Variants in MECOM observed in about 807,000 individuals in gnomAD.
MECOM encodes MDS1 and EVI1 complex locus, also known as histone-lysine N-methyltransferase MECOM.
MECOM carries 13 observed loss-of-function variants against 116.3 expected under a neutral mutation model. The ratio of observed to expected loss-of-function variants is 0.11; its 90% confidence interval spans 0.07 to 0.18. MECOM has a LOEUF of 0.18. Among genes scored for constraint, MECOM ranks in the 10% least tolerant of loss-of-function variants. The pLI, the probability that MECOM is intolerant of heterozygous loss-of-function variation, is 1.00. For missense variants in MECOM, 1,299 were observed against 1,509.0 expected (o/e 0.86, Z 2.31); for synonymous variants, 528 against 535.2 (o/e 0.99, Z 0.19).
At chr3:169,249,377 A>G (rs958276878) in intron 2 of MECOM, among the ~76,000 whole-genome samples, 9 of 152,218 alleles carry the variant, frequency 5.9e-5, no homozygotes, top group South Asian at 2.1e-4. Context: ...ACACAATTCT[A>G]TGATTTCTGG....
rs540584328 is a variant in MECOM, at chr3:169,206,323, T to G, written c.376-62491A>C. ...ATCACAGTCATTGGCAATTATGACT[T>G]CAGTGACTCTTCTGAGATCTAATGG... On this transcript the variant is annotated intron_variant, in intron 2 of 16. Coordinates refer to ENST00000651503, the MANE Select transcript of MECOM (RefSeq NM_004991.4). 2.0e-5 allele frequency among the ~76,000 whole-genome samples: 3 copies of G among 152,294 alleles called. No homozygotes were observed. In the East Asian group the frequency reaches 5.8e-4, roughly 29 times the overall value.
At chr3:169,387,271 T>A (rs190966812) in intron 1 of MECOM, among the ~76,000 whole-genome samples, 18 of 152,216 alleles carry the variant, frequency 1.2e-4, no homozygotes, top group South Asian at 1.0e-3. Flanking sequence ...GAAAAAAAAA[T>A]GATTTCATTT....
intron 2 of MECOM, among the ~76,000 whole-genome samples, chr3:169,179,616 T>A (rs1227742017): frequency 6.6e-6 from 1 of 152,150 alleles, no homozygotes; most frequent in African/African-American, 2.4e-5. Context: ...CTCAATATCA[T>A]GCCACTAAAA....
At chr3:169,318,524 A>C (rs1259083690) in intron 2 of MECOM, among the ~76,000 whole-genome samples, 1 of 152,192 alleles carries the variant, frequency 6.6e-6, no homozygotes, top group East Asian at 1.9e-4. Context: ...AAGAAGCTCA[A>C]CATCACTGGT....
intron 2 of MECOM, chr3:169,146,709 A>G: frequency 8.0e-7 from 1 of 1,251,432 alleles, no homozygotes; most frequent in Non-Finnish European, 1.0e-6. Flanking sequence ...TTTTAAAGTG[A>G]GGAGTTCTCT....
chr3:169,483,136 C>T (rs1751584045), intron 1 of MECOM, among the ~76,000 whole-genome samples: 1 of 151,848 alleles, frequency 6.6e-6, no homozygotes, highest in African/African-American at 2.4e-5. Context: ...AGAACACAGT[C>T]CTGCAGACCA....
At chr3:169,359,248 A>G (rs1727796513) in intron 2 of MECOM, among the ~76,000 whole-genome samples, 2 of 151,770 alleles carry the variant, frequency 1.3e-5, no homozygotes, top group Non-Finnish European at 2.9e-5. Context: ...CAGTGCTCTG[A>G]GGTGCTTAGT....
Position 169,162,778 on chromosome 3 carries a change from C to T in MECOM, c.376-18946G>A, listed in dbSNP as rs9867710. On this transcript the variant is annotated intron_variant, in intron 2 of 16. Transcript: ENST00000651503. ...TGGATTCCAATATACCAGACAGTTTCATACTCAGTGCTGGGTGAATCTGTC... is the reference window on the plus strand; with the variant it reads ...TGGATTCCAATATACCAGACAGTTTTATACTCAGTGCTGGGTGAATCTGTC... Among the ~76,000 whole-genome samples, 1,246 of 152,240 alleles carry T rather than the reference C, an allele frequency of 8.2e-3. 23 individuals are homozygous for T. Among genetic ancestry groups the T allele is most frequent in the African/African-American group, 0.028 (1,175 of 41,534 alleles).
intron 2 of MECOM, among the ~76,000 whole-genome samples, chr3:169,372,305 A>C (rs921493601): frequency 1.3e-5 from 2 of 152,098 alleles, no homozygotes; most frequent in Non-Finnish European, 2.9e-5. Flanking sequence ...TTATACTTGC[A>C]GAGTTTTGTA....
At chr3:169,242,811 C>G (rs142383639) in intron 2 of MECOM, among the ~76,000 whole-genome samples, 2 of 151,332 alleles carry the variant, frequency 1.3e-5, no homozygotes, top group African/African-American at 4.8e-5. Context: ...GGGAGAGAAA[C>G]AAACCTACAA....
chr3:169,174,718 C>T (rs974818537), intron 2 of MECOM, among the ~76,000 whole-genome samples: 21 of 152,130 alleles, frequency 1.4e-4, no homozygotes, highest in African/African-American at 5.1e-4. Context: ...TAGGAGAAAG[C>T]AACTTGTTAG....
chr3:169,557,888 T>C (rs1007434720), intron 1 of MECOM, among the ~76,000 whole-genome samples: 2 of 152,190 alleles, frequency 1.3e-5, no homozygotes, highest in Admixed American at 6.5e-5. Flanking sequence ...AAATATTAAC[T>C]AGAAAGGCTT....
At chr3:169,391,937 A>C (rs1033025430) in intron 1 of MECOM, among the ~76,000 whole-genome samples, 1 of 152,198 alleles carries the variant, frequency 6.6e-6, no homozygotes. Flanking sequence ...TTTCAAAAAA[A>C]AATGCATTCA....
intron 1 of MECOM, among the ~76,000 whole-genome samples, chr3:169,551,985 T>C (rs369306399): frequency 6.6e-6 from 1 of 152,172 alleles, no homozygotes; most frequent in East Asian, 2.0e-4. Context: ...TGCATTTATC[T>C]GAAATGTCCA....
At chr3:169,104,205 G>A (rs572914895) in intron 10 of MECOM, among the ~76,000 whole-genome samples, 11 of 152,286 alleles carry the variant, frequency 7.2e-5, no homozygotes, top group Admixed American at 5.2e-4. Context: ...CAGAGATATG[G>A]AATGATGCTG....
At chr3:169,109,607 G>A (rs1050581807) in intron 9 of MECOM, among the ~76,000 whole-genome samples, 2 of 151,942 alleles carry the variant, frequency 1.3e-5, no homozygotes, top group African/African-American at 2.4e-5. Context: ...GTAGAGAAGG[G>A]GTTTCACTCT....
chr3:169,321,412 C>T lies in MECOM; in HGVS notation c.375+59775G>A, dbSNP rs146273518. Among the ~76,000 whole-genome samples the T allele has an allele frequency of 2.0e-4, 31 of 152,148 alleles. No homozygotes were observed. In the East Asian group the frequency reaches 3.7e-3, roughly 18 times the overall value. Reference sequence around the variant, plus strand: ...AAAATTAGCTGGGCATGGTGGCACGCGCCTTTACTCACAGCTACTTGGGAG... The same window carrying T: ...AAAATTAGCTGGGCATGGTGGCACGTGCCTTTACTCACAGCTACTTGGGAG... On this transcript the variant is annotated intron_variant, in intron 2 of 16. Coordinates refer to ENST00000651503, the MANE Select transcript of MECOM (RefSeq NM_004991.4).
At chr3:169,257,727 C>T (rs917006848) in intron 2 of MECOM, among the ~76,000 whole-genome samples, 2 of 152,066 alleles carry the variant, frequency 1.3e-5, no homozygotes, top group Admixed American at 6.5e-5. Flanking sequence ...TTTTTTCCAT[C>T]GGGCACATAA....
chr3:169,283,313 G>A (rs1243903906), intron 2 of MECOM, among the ~76,000 whole-genome samples: 1 of 151,880 alleles, frequency 6.6e-6, no homozygotes, highest in African/African-American at 2.4e-5. Flanking sequence ...GACCAGCCTG[G>A]GCAATATAGT....
Sources: allele counts gnomAD v4.1 joint callset (sites outside exome capture counted in the v4.1 genomes callset), GRCh38; gene constraint gnomAD v4.1.1; transcripts MANE v1.5; gene names NCBI Gene and HGNC (gene_info 2026-07-23, HGNC 2026-07-21).